TBL1XR1: variants seen among roughly 807,000 people sequenced by gnomAD.
TBL1XR1 encodes the protein F-box-like/WD repeat-containing protein TBL1XR1.
TBL1XR1 carries 5 observed loss-of-function variants against 66.9 expected under a neutral mutation model. The observed-to-expected ratio is 0.07, with a 90% CI of 0.04 to 0.16. The LOEUF is 0.16. Among genes scored for constraint, TBL1XR1 ranks in the 10% least tolerant of loss-of-function variants. The pLI is 1.00. For synonymous variants in TBL1XR1, 210 were observed against 206.0 expected, an observed-to-expected ratio of 1.02 and a Z score of -0.17; for missense variants, 238 against 623.2, an observed-to-expected ratio of 0.38 and a Z score of 6.58.
At position 177,020,650 on chromosome 3, in the gene TBL1XR1, A is replaced by C. The variant is rs1280946152; in HGVS notation, c.*4848T>G. The C allele has an allele frequency of 1.3e-5, 2 of 152,206 alleles. No individual in the cohort carries two copies. Among genetic ancestry groups the C allele is most frequent in the African/African-American group, 4.8e-5 (2 of 41,466 alleles). 9.4% of individuals were successfully genotyped at this position (152,206 alleles called of 1,614,324 possible). A position where few individuals can be genotyped will look rare whatever the true frequency, so the allele number is the denominator to read the frequency against. Reference sequence around the variant, plus strand: ...AAGTAAAAGCAATTAAAATGTAAACAAACTGTAAACAAGAAATACCATCCC... The same window carrying C: ...AAGTAAAAGCAATTAAAATGTAAACCAACTGTAAACAAGAAATACCATCCC... On this transcript the variant is annotated 3_prime_UTR_variant, in exon 16 of 16. Coordinates refer to ENST00000457928, the MANE Select transcript of TBL1XR1 (RefSeq NM_024665.7).
At chr3:177,045,593 G>T (rs886976992) in intron 10 of TBL1XR1, among the ~76,000 whole-genome samples, 2 of 152,052 alleles carry the variant, frequency 1.3e-5, no homozygotes, top group Admixed American at 6.6e-5. Context: ...ACAACATTGG[G>T]AAAGTCTATT....
chr3:177,053,155 G>T (rs377340342), intron 4 of TBL1XR1, among the ~76,000 whole-genome samples: 9 of 152,168 alleles, frequency 5.9e-5, no homozygotes, highest in African/African-American at 1.9e-4. Context: ...CTAGACCGGG[G>T]TTTACAACCT....
intron 1 of TBL1XR1, among the ~76,000 whole-genome samples, chr3:177,128,054 T>C (rs1316492606): frequency 6.6e-6 from 1 of 152,042 alleles, no homozygotes; most frequent in South Asian, 2.1e-4. Flanking sequence ...CCCCCATCTC[T>C]ACTAAAATGC....
Position 177,021,296 on chromosome 3 carries a change from G to A in TBL1XR1, c.*4202C>T. The A allele has an allele frequency of 6.6e-6, 1 of 151,174 alleles. No individual in the cohort carries two copies. Among genetic ancestry groups the A allele is most frequent in the East Asian group, 1.9e-4 (1 of 5,138 alleles). The allele number at this position is 151,174 out of a possible 1,614,324, so 9.4% of individuals were successfully genotyped here. On this transcript the variant is annotated 3_prime_UTR_variant, in exon 16 of 16. Transcript: ENST00000457928. ...TGTAATGAGATGGATAAGTACATCA[G>A]ACTAGATACAACATGCAGAATGTTT...
chr3:177,148,285 A>C (rs1386112703), intron 1 of TBL1XR1, among the ~76,000 whole-genome samples: 1 of 152,258 alleles, frequency 6.6e-6, no homozygotes, highest in Admixed American at 6.5e-5. Context: ...TGTTGTGGAC[A>C]TCTATCAAGT....
At chr3:177,104,166 T>C (rs1183142407) in intron 1 of TBL1XR1, among the ~76,000 whole-genome samples, 2 of 150,004 alleles carry the variant, frequency 1.3e-5, no homozygotes, top group South Asian at 2.1e-4. Context: ...TCTACCAGAA[T>C]TGACCCTGCT....
chr3:177,147,103 A>ATGTG (rs930965404), intron 1 of TBL1XR1, among the ~76,000 whole-genome samples: 2 of 151,032 alleles, frequency 1.3e-5, no homozygotes, highest in African/African-American at 2.4e-5. Context: ...CTGGAGTGCA[A>ATGTG]TGGCGTGATT....
chr3:177,042,801 C>T (rs1255272774), intron 10 of TBL1XR1, among the ~76,000 whole-genome samples: 2 of 152,070 alleles, frequency 1.3e-5, no homozygotes, highest in East Asian at 3.8e-4. Context: ...TTTTTGTCTG[C>T]TCCACCCCTC....
Position 177,038,182 on chromosome 3 carries a change from A to G in TBL1XR1, c.1048-10T>C. On this transcript the variant is annotated splice_polypyrimidine_tract_variant and intron_variant, in intron 11 of 15. Coordinates refer to ENST00000457928, the MANE Select transcript of TBL1XR1 (RefSeq NM_024665.7). Reference sequence around the variant, plus strand: ...TAGCATTTACTTCATTCTAAAAATAATAGTAAATATTCACATTTTCATTGT... The same window carrying G: ...TAGCATTTACTTCATTCTAAAAATAGTAGTAAATATTCACATTTTCATTGT... The G allele has an allele frequency of 6.2e-7, 1 of 1,612,702 alleles. No homozygotes were observed. The highest frequency in any genetic ancestry group is 8.5e-7 in the Non-Finnish European group (1 of 1,179,044).
At chr3:177,152,165 ACTT>A (rs1205478629) in intron 1 of TBL1XR1, among the ~76,000 whole-genome samples, 1 of 152,134 alleles carries the variant, frequency 6.6e-6, no homozygotes, top group Admixed American at 6.5e-5. Flanking sequence ...TATGTTGAAA[ACTT>A]CTTCCAAAGA....
intron 1 of TBL1XR1, among the ~76,000 whole-genome samples, chr3:177,169,548 T>C (rs1287138051): frequency 6.6e-6 from 1 of 152,230 alleles, no homozygotes; most frequent in Non-Finnish European, 1.5e-5. Flanking sequence ...ATGCACTACA[T>C]GTATATTCAG....
intron 14 of TBL1XR1, chr3:177,027,285 C>CA (rs1713276816): frequency 1.3e-5 from 2 of 152,182 alleles, no homozygotes; most frequent in South Asian, 4.1e-4. Context: ...AAGCATGCAC[C>CA]ACAGTGCCCA....
At chr3:177,025,610 T>C in intron 15 of TBL1XR1, 86 bp from the exon 16 acceptor site, 1 of 1,281,396 alleles carries the variant, frequency 7.8e-7, no homozygotes, top group Non-Finnish European at 1.1e-6. Flanking sequence ...CAATTTGAAA[T>C]GTTTCTTAGT....
intron 1 of TBL1XR1, among the ~76,000 whole-genome samples, chr3:177,131,898 T>A (rs2108788569): frequency 9.8e-6 from 1 of 101,800 alleles, no homozygotes; most frequent in Non-Finnish European, 1.9e-5. Context: ...TACATTCTAG[T>A]GGAAGTTTAA....
At chr3:177,131,481 T>A in intron 1 of TBL1XR1, 4 of 683,546 alleles carry the variant, frequency 5.9e-6, no homozygotes, top group Non-Finnish European at 7.2e-6. Context: ...AAAAACTAAA[T>A]TAAAAAAACA....
chr3:177,186,219 A>G (rs1406645273), intron 1 of TBL1XR1, among the ~76,000 whole-genome samples: 3 of 152,168 alleles, frequency 2.0e-5, no homozygotes, highest in African/African-American at 4.8e-5. Context: ...ACAAATGTAT[A>G]TCCGTTACTA....
chr3:177,105,944 TGA>T lies in TBL1XR1; in HGVS notation c.-121-7405_-121-7404del, dbSNP rs1399791456. ...TTCTTTCAAATACTAAATTGCAAAG[TGA>T]GAGGTGTTCAGAACTAGAGGGAGAA... On this transcript the variant is annotated intron_variant, in intron 1 of 15. Coordinates refer to ENST00000457928, the MANE Select transcript of TBL1XR1 (RefSeq NM_024665.7). Among the ~76,000 whole-genome samples the T allele has an allele frequency of 3.3e-5, 5 of 152,078 alleles. No homozygotes were observed. The East Asian group carries it at 9.6e-4, about 29-fold the overall frequency.
chr3:177,135,630 C>T (rs1728908415), intron 1 of TBL1XR1, among the ~76,000 whole-genome samples: 2 of 151,536 alleles, frequency 1.3e-5, no homozygotes, highest in Admixed American at 1.3e-4. Context: ...GATCCGCCCG[C>T]CTCGGCCTCC....
chr3:177,098,731 T>C (rs1723815616), intron 1 of TBL1XR1, among the ~76,000 whole-genome samples, 190 bp from the exon 2 acceptor site: 1 of 152,184 alleles, frequency 6.6e-6, no homozygotes, highest in Non-Finnish European at 1.5e-5. Flanking sequence ...GGCAAGTCTT[T>C]AGAACGTTCA....
Sources: allele counts gnomAD v4.1 joint callset (sites outside exome capture counted in the v4.1 genomes callset), GRCh38; gene constraint gnomAD v4.1.1; transcripts MANE v1.5; gene names NCBI Gene and HGNC (gene_info 2026-07-23, HGNC 2026-07-21).